Variants in CCDC7 observed in about 807,000 individuals in gnomAD.
CCDC7 encodes coiled-coil domain-containing protein 7.
In CCDC7, 183 loss-of-function variants were observed where a neutral mutation model predicts 196.9. That is an observed-to-expected ratio of 0.93 (90% CI 0.82 to 1.05). The LOEUF is 1.05. CCDC7 is among the 50% of genes least tolerant of loss of function. The pLI, the probability that CCDC7 is intolerant of heterozygous loss-of-function variation, is 0.00. For missense variants in CCDC7, 1,540 were observed against 1,482.2 expected, an observed-to-expected ratio of 1.04 and a Z score of -0.64; for synonymous variants, 525 against 484.6, an observed-to-expected ratio of 1.08 and a Z score of -1.10.
chr10:32,755,212 G>A lies in CCDC7; in HGVS notation c.2906-23765G>A, dbSNP rs144364517. 8.9e-4 allele frequency among the ~76,000 whole-genome samples: 136 copies of A among 152,300 alleles called. 1 individual carries two copies. The highest frequency in any genetic ancestry group is 2.9e-3 in the African/African-American group (120 of 41,564). On this transcript the variant is annotated intron_variant, in intron 28 of 41. Coordinates refer to ENST00000639629, the Ensembl canonical transcript of CCDC7. ...GGGGCAGGGTAGAGCTGAACAAAAG[G>A]CAGCAGAAACTTCTGCAGACTTAAA... is the stretch of plus-strand genomic sequence containing the variant.
chr10:32,810,305 G>A (rs1488505999), intron 30 of CCDC7, among the ~76,000 whole-genome samples: 1 of 152,128 alleles, frequency 6.6e-6, no homozygotes, highest in South Asian at 2.1e-4. Flanking sequence ...CATATAGACT[G>A]GTAGTGAAGG....
At chr10:32,882,107 A>G (rs938297200), downstream of CCDC7, among the ~76,000 whole-genome samples, 1 of 152,178 alleles carries the variant, frequency 6.6e-6, no homozygotes, top group African/African-American at 2.4e-5. Flanking sequence ...TAAACATGGT[A>G]AGGAAGACTT....
chr10:32,587,112 T>C (rs529313731), intron 18 of CCDC7, among the ~76,000 whole-genome samples: 1 of 152,194 alleles, frequency 6.6e-6, no homozygotes, highest in Non-Finnish European at 1.5e-5. Flanking sequence ...TACAATTCAG[T>C]GGCGTTAATT....
intron 20 of CCDC7, among the ~76,000 whole-genome samples, chr10:32,663,222 G>T (rs958403738): frequency 6.6e-6 from 1 of 152,152 alleles, no homozygotes; most frequent in Non-Finnish European, 1.5e-5. Context: ...CTCTTCTATG[G>T]TCTCTTTTGA....
intron 1 of CCDC7, 127 bp downstream of exon 2, chr10:32,452,048 A>C: frequency 7.7e-7 from 1 of 1,305,008 alleles, no homozygotes; most frequent in Non-Finnish European, 1.0e-6. Flanking sequence ...TACAGTAGGC[A>C]CATGAGGTGA....
intron 25 of CCDC7, among the ~76,000 whole-genome samples, chr10:32,720,587 G>C (rs2082264336): frequency 6.6e-6 from 1 of 152,056 alleles, no homozygotes; most frequent in Middle Eastern, 3.4e-3. Flanking sequence ...ATTTAAAAAA[G>C]ACAACTGGGG....
At chr10:32,560,432 G>T (rs1441815770) in intron 13 of CCDC7, among the ~76,000 whole-genome samples, 3 of 152,116 alleles carry the variant, frequency 2.0e-5, no homozygotes, top group African/African-American at 7.2e-5. Flanking sequence ...GAAAGGTCGG[G>T]TTACCCACAA....
At chr10:32,630,410 A>G (rs569495280) in intron 18 of CCDC7, among the ~76,000 whole-genome samples, 60 of 152,126 alleles carry the variant, frequency 3.9e-4, no homozygotes, top group Non-Finnish European at 8.2e-4. Context: ...GAAGCTTGTA[A>G]TAGGGGCTTC....
intron 18 of CCDC7, among the ~76,000 whole-genome samples, chr10:32,598,675 A>G (rs1429285342): frequency 6.6e-6 from 1 of 152,232 alleles, no homozygotes; most frequent in African/African-American, 2.4e-5. Context: ...TGTGGGACCC[A>G]TTGGTAGTTT....
rs149654508 is a variant in CCDC7, at chr10:32,675,140, G to A, written c.2123-10830G>A. ...GAAGACTTACTATTGCAATTATATT[G>A]TTTTCTCTCTGTTTTATAGCTGTGC... is the stretch of plus-strand genomic sequence containing the variant. On this transcript the variant is annotated intron_variant, in intron 21 of 41. Transcript: ENST00000639629. 7.6e-3 allele frequency among the ~76,000 whole-genome samples: 1,149 copies of A among 151,834 alleles called. 22 individuals are homozygous for A. Among genetic ancestry groups the A allele is most frequent in the African/African-American group, 0.026 (1,061 of 41,452 alleles).
intron 11 of CCDC7, among the ~76,000 whole-genome samples, chr10:32,536,575 T>C (rs765570657): frequency 2.0e-4 from 31 of 152,190 alleles, no homozygotes; most frequent in Non-Finnish European, 4.4e-5. Flanking sequence ...AAACTGCATG[T>C]CATGGGTGTT....
intron 21 of CCDC7, among the ~76,000 whole-genome samples, chr10:32,665,868 C>T (rs1043664869): frequency 6.6e-6 from 1 of 151,934 alleles, no homozygotes; most frequent in Non-Finnish European, 1.5e-5. Context: ...CTTTCTTAAA[C>T]TTCTTTTACT....
chr10:32,665,577 T>C (rs886269032), intron 21 of CCDC7, among the ~76,000 whole-genome samples: 2 of 152,114 alleles, frequency 1.3e-5, no homozygotes, highest in Non-Finnish European at 2.9e-5. Context: ...GTGATCTACA[T>C]GTCTGTTTTT....
chr10:32,548,958 T>C lies in CCDC7; in HGVS notation c.1134+4657T>C, dbSNP rs2052989494. The stretch of plus-strand genomic sequence containing the variant: ...TGGGATTGCTGGATCAAATGGTAGT[T>C]CTACTGTTAGTTCTTTAAGGAATCT... On this transcript the variant is annotated intron_variant, in intron 13 of 41. Coordinates refer to ENST00000639629, the Ensembl canonical transcript of CCDC7. 2.6e-5 allele frequency among the ~76,000 whole-genome samples: 4 copies of C among 152,306 alleles called. No individual in the cohort carries two copies. In the South Asian group the frequency reaches 8.3e-4, roughly 32 times the overall value.
intron 20 of CCDC7, among the ~76,000 whole-genome samples, chr10:32,645,593 T>C (rs1387810534): frequency 1.3e-5 from 2 of 150,878 alleles, no homozygotes; most frequent in African/African-American, 4.9e-5. Context: ...GTTTTTGGGA[T>C]AGTTTGAATA....
chr10:32,828,220 C>A (rs1320744001), intron 32 of CCDC7, among the ~76,000 whole-genome samples: 1 of 151,932 alleles, frequency 6.6e-6, no homozygotes, highest in Admixed American at 6.6e-5. Flanking sequence ...CAAAGTATAC[C>A]TTCCATGTAT....
intron 28 of CCDC7, among the ~76,000 whole-genome samples, chr10:32,772,439 C>G (rs983679194): frequency 1.3e-5 from 2 of 152,206 alleles, no homozygotes; most frequent in African/African-American, 2.4e-5. Context: ...AGGCCACACT[C>G]CTCCCTGTTC....
intron 24 of CCDC7, among the ~76,000 whole-genome samples, chr10:32,706,911 T>C (rs1228384626): frequency 6.6e-6 from 1 of 152,222 alleles, no homozygotes; most frequent in Non-Finnish European, 1.5e-5. Context: ...GCTGATACCA[T>C]TCCTTGTGAA....
intron 41 of CCDC7, among the ~76,000 whole-genome samples, chr10:32,862,691 A>G (rs1046645489): frequency 2.0e-5 from 3 of 152,124 alleles, no homozygotes; most frequent in Non-Finnish European, 4.4e-5. Flanking sequence ...TAGAAGTACT[A>G]TCAAGGACAA....
Sources: gnomAD v4.1 joint callset for allele counts (sites outside exome capture counted in the v4.1 genomes callset) on GRCh38, gnomAD v4.1.1 for gene constraint, MANE v1.5 for transcripts, NCBI Gene and HGNC (gene_info 2026-07-23, HGNC 2026-07-21) for gene names.